The following PTPRD variants were observed in gnomAD, a reference collection of about 807,000 sequenced individuals.
PTPRD encodes receptor-type tyrosine-protein phosphatase delta.
A neutral mutation model predicts 214.5 loss-of-function variants in PTPRD; 34 were observed. The ratio of observed to expected loss-of-function variants is 0.16; its 90% CI spans 0.12 to 0.21. The LOEUF is 0.21. PTPRD is among the 10% of genes least tolerant of loss of function. The pLI, the probability that PTPRD is intolerant of heterozygous loss-of-function variation, is 1.00. For synonymous variants in PTPRD, 1,128 were observed against 845.7 expected, an observed-to-expected ratio of 1.33 and a Z score of -5.79; for missense variants, 2,545 against 2,398.7, an observed-to-expected ratio of 1.06 and a Z score of -1.27.
At chr9:8,463,657 A>G (rs1435071916) in intron 32 of PTPRD, among the ~76,000 whole-genome samples, 1 of 152,006 alleles carries the variant, frequency 6.6e-6, no homozygotes, top group East Asian at 1.9e-4. Context: ...ATACCAGCCT[A>G]ATGAAAAATA....
At chr9:8,931,811 G>A in intron 11 of PTPRD, among the ~76,000 whole-genome samples, 1 of 151,900 alleles carries the variant, frequency 6.6e-6, no homozygotes, top group Admixed American at 6.6e-5. Context: ...TTTTTGGTTG[G>A]TAGGCTATTG....
rs57276075 is a variant in PTPRD, at chr9:9,195,107, T to TAC, written c.-202-11746_-202-11745dup. ...TTGTGTATATATATATATATATATATACACACACACACATATACATACATA... is the reference window on the plus strand; with the variant it reads ...TTGTGTATATATATATATATATATATACACACACACACACATATACATACATA... On this transcript the variant is annotated intron_variant, in intron 9 of 45. Transcript: ENST00000381196. Among the ~76,000 whole-genome samples the TAC allele has an allele frequency of 5.3e-3, 752 of 141,118 alleles. 9 individuals are homozygous for TAC. The highest frequency in any genetic ancestry group is 0.014 in the African/African-American group (541 of 38,506). The allele number at this position is 141,118 out of a possible 152,430, so 92.6% of individuals were successfully genotyped here.
chr9:10,075,809 A>T (rs2098123525), intron 3 of PTPRD, among the ~76,000 whole-genome samples: 1 of 152,112 alleles, frequency 6.6e-6, no homozygotes, highest in East Asian at 1.9e-4. Context: ...AATTTTTCAA[A>T]TAACCAAGGG....
chr9:9,691,694 C>G (rs555127550), intron 7 of PTPRD, among the ~76,000 whole-genome samples: 1 of 151,928 alleles, frequency 6.6e-6, no homozygotes, highest in Non-Finnish European at 1.5e-5. Context: ...TTTTGAGGAA[C>G]CTACAAACTG....
At chr9:8,375,425 A>G (rs1304230496) in intron 39 of PTPRD, among the ~76,000 whole-genome samples, 2 of 152,084 alleles carry the variant, frequency 1.3e-5, no homozygotes, top group Non-Finnish European at 2.9e-5. Context: ...ATTTTTAAAA[A>G]TCAAATTAGT....
chr9:9,019,081 G>A (rs1279575741), intron 10 of PTPRD, among the ~76,000 whole-genome samples: 1 of 152,008 alleles, frequency 6.6e-6, no homozygotes, highest in Non-Finnish European at 1.5e-5. Context: ...AAACAAACTT[G>A]TGCTAGAAAA....
At chr9:9,168,291 C>T (rs1201246534) in intron 10 of PTPRD, among the ~76,000 whole-genome samples, 4 of 152,148 alleles carry the variant, frequency 2.6e-5, no homozygotes, top group Non-Finnish European at 5.9e-5. Context: ...TACAGAATAC[C>T]ACTGCAACCA....
At chr9:9,516,439 A>C (rs954387826) in intron 8 of PTPRD, among the ~76,000 whole-genome samples, 1 of 151,930 alleles carries the variant, frequency 6.6e-6, no homozygotes, top group Middle Eastern at 3.4e-3. Context: ...AAATTCTCTA[A>C]TGGAAGCCAA....
chr9:9,428,923 T>C (rs1326828998), intron 8 of PTPRD, among the ~76,000 whole-genome samples: 1 of 152,206 alleles, frequency 6.6e-6, no homozygotes, highest in Non-Finnish European at 1.5e-5. Flanking sequence ...GGGAAATTTA[T>C]AGCACTAAAT....
At chr9:9,905,577 G>A (rs1448243773) in intron 5 of PTPRD, among the ~76,000 whole-genome samples, 1 of 151,798 alleles carries the variant, frequency 6.6e-6, no homozygotes, top group Admixed American at 6.6e-5. Context: ...ATACACATGT[G>A]TTCATAAAAA....
intron 8 of PTPRD, among the ~76,000 whole-genome samples, chr9:9,453,362 A>G (rs1032818029): frequency 2.6e-5 from 4 of 151,694 alleles, no homozygotes; most frequent in Non-Finnish European, 5.9e-5. Flanking sequence ...AGATTTCCAA[A>G]TAATTTCTGA....
chr9:9,480,137 G>T (rs1040785186), intron 8 of PTPRD, among the ~76,000 whole-genome samples: 2 of 152,130 alleles, frequency 1.3e-5, no homozygotes, highest in Non-Finnish European at 1.5e-5. Flanking sequence ...AAGAATAAGG[G>T]CATTCATATG....
intron 9 of PTPRD, among the ~76,000 whole-genome samples, chr9:9,293,944 T>C (rs1013694242): frequency 7.9e-5 from 12 of 151,658 alleles, no homozygotes; most frequent in East Asian, 2.0e-4. Context: ...TAGTTTTCAT[T>C]TGGCATATTC....
chr9:8,514,876 T>C lies in PTPRD; in HGVS notation c.1543+2972A>G, dbSNP rs966814241. 3.3e-5 allele frequency among the ~76,000 whole-genome samples: 5 copies of C among 152,246 alleles called. 1 individual carries two copies. The highest frequency in any genetic ancestry group is 6.5e-5 in the Admixed American group (1 of 15,276). On this transcript the variant is annotated intron_variant, in intron 21 of 45. Coordinates refer to ENST00000381196, the MANE Select transcript of PTPRD (RefSeq NM_002839.4). ...TGAACAATGGGGGTGGTTTCTCCTA[T>C]GCCGTTGTCGTGATAGTGAGTGAAT...
chr9:10,521,683 C>T (rs1442483800), intron 2 of PTPRD, among the ~76,000 whole-genome samples: 1 of 152,102 alleles, frequency 6.6e-6, no homozygotes, highest in South Asian at 2.1e-4. Flanking sequence ...AACCACCACC[C>T]AGATTAGTCA....
Position 9,104,810 on chromosome 9 carries a change from G to A in PTPRD, c.-143+78494C>T, listed in dbSNP as rs150024133. Among the ~76,000 whole-genome samples, 636 of 152,178 alleles carry A rather than the reference G, an allele frequency of 4.2e-3. 1 individual carries two copies. Among genetic ancestry groups the A allele is most frequent in the Middle Eastern group, 6.8e-3 (2 of 294 alleles). On this transcript the variant is annotated intron_variant, in intron 10 of 45. Coordinates refer to ENST00000381196, the MANE Select transcript of PTPRD (RefSeq NM_002839.4). The stretch of plus-strand genomic sequence containing the variant: ...CATTCAATGCTAAGCACTTTCCTAT[G>A]CACTCGGGAAACAGGGGAGTTCGAC...
At chr9:8,735,608 A>C (rs1265946713) in intron 11 of PTPRD, among the ~76,000 whole-genome samples, 1 of 152,188 alleles carries the variant, frequency 6.6e-6, no homozygotes, top group Non-Finnish European at 1.5e-5. Context: ...CAGAAGATGA[A>C]GCAAAAGAAA....
chr9:10,072,268 G>A (rs983093414), intron 3 of PTPRD, among the ~76,000 whole-genome samples: 3 of 151,896 alleles, frequency 2.0e-5, no homozygotes, highest in African/African-American at 7.3e-5. Context: ...GCAACAATGA[G>A]CCATCACTAC....
At chr9:10,394,201 GATAATAT>G (rs1565755533) in intron 2 of PTPRD, among the ~76,000 whole-genome samples, 1 of 141,090 alleles carries the variant, frequency 7.1e-6, no homozygotes, top group African/African-American at 2.7e-5. Flanking sequence ...TATATATAAA[GATAATAT>G]ATAATATATA....
Sources: allele counts gnomAD v4.1 joint callset (sites outside exome capture counted in the v4.1 genomes callset), GRCh38; gene constraint gnomAD v4.1.1; transcripts MANE v1.5; gene names NCBI Gene and HGNC (gene_info 2026-07-23, HGNC 2026-07-21).